Variants in ZMIZ1 observed in about 807,000 individuals in gnomAD.
ZMIZ1 encodes the protein zinc finger MIZ-type containing 1, also known as zinc finger MIZ domain-containing protein 1.
Under a neutral mutation model 113.9 loss-of-function variants are expected in ZMIZ1, and 17 were observed. That is an observed-to-expected ratio of 0.15 (90% CI 0.10 to 0.22). ZMIZ1 has a LOEUF of 0.22. Ranked by LOEUF, ZMIZ1 falls within the 10% of genes least tolerant of loss-of-function variation. ZMIZ1 has a pLI of 1.00. For synonymous variants in ZMIZ1, 607 were observed against 603.1 expected (o/e 1.01, Z -0.09); for missense variants, 1,059 against 1,477.8 (o/e 0.72, Z 4.65).
In ZMIZ1 at chr10:79,293,574, G is replaced by A. The variant is rs143127715; in HGVS notation, c.1151G>A (p.Arg384Gln). ...GISPFGTHGQRMPQQTYPGPR... is the reference protein window; with the variant it reads ...GISPFGTHGQQMPQQTYPGPR... ...AGCCCCTTTGGCACACACGGGCAGCGGATGCCCCAGCAGACCTACCCGGGC... is the reference window on the plus strand; with the variant it reads ...AGCCCCTTTGGCACACACGGGCAGCAGATGCCCCAGCAGACCTACCCGGGC... Residue 384 changes from arginine to glutamine, a missense_variant, in exon 12 of 25, where the codon CGG (arginine) becomes CAG (glutamine). Arg to Gln is a conservative substitution (Grantham distance 43). This residue lies in a region of ZMIZ1 where 239 missense variants were observed against 247.5 expected (regional missense o/e 0.97). Coordinates refer to ENST00000334512, the MANE Select transcript of ZMIZ1 (RefSeq NM_020338.4). 12 of 1,613,022 alleles carry A rather than the reference G, an allele frequency of 7.4e-6. No homozygotes were observed. The highest frequency in any genetic ancestry group is 2.7e-5 in the African/African-American group (2 of 75,050).
At chr10:79,116,760 T>C (rs1444121374) in intron 1 of ZMIZ1, among the ~76,000 whole-genome samples, 1 of 152,226 alleles carries the variant, frequency 6.6e-6, no homozygotes, top group Non-Finnish European at 1.5e-5. Flanking sequence ...CACATGCTTC[T>C]GTAGCTGCCA....
intron 7 of ZMIZ1, among the ~76,000 whole-genome samples, chr10:79,271,939 C>G (rs753989689): frequency 6.6e-6 from 1 of 152,204 alleles, no homozygotes; most frequent in Non-Finnish European, 1.5e-5. Context: ...ACATGCCAGA[C>G]ACTTTTAAAC....
chr10:79,184,642 AG>A (rs1191948967), intron 4 of ZMIZ1, among the ~76,000 whole-genome samples: 1 of 152,042 alleles, frequency 6.6e-6, no homozygotes, highest in Non-Finnish European at 1.5e-5. Flanking sequence ...GTGTCTTTCC[AG>A]GCCAGACCTT....
intron 7 of ZMIZ1, among the ~76,000 whole-genome samples, chr10:79,261,527 G>A (rs1421195111): frequency 6.6e-6 from 1 of 152,210 alleles, no homozygotes; most frequent in African/African-American, 2.4e-5. Flanking sequence ...GATGGCCCAG[G>A]CTGCTGTCTG....
chr10:79,106,119 G>A (rs1326721318), intron 1 of ZMIZ1, among the ~76,000 whole-genome samples: 1 of 152,238 alleles, frequency 6.6e-6, no homozygotes, highest in East Asian at 1.9e-4. Context: ...CTGGGATTCT[G>A]TAGCAAAACC....
chr10:79,116,212 C>G (rs1230785852), intron 1 of ZMIZ1, among the ~76,000 whole-genome samples: 1 of 152,080 alleles, frequency 6.6e-6, no homozygotes, highest in Admixed American at 6.5e-5. Flanking sequence ...GGCAGCTGAC[C>G]TATCTTGAGA....
At chr10:79,123,135 G>T (rs1844369875) in intron 2 of ZMIZ1, among the ~76,000 whole-genome samples, 1 of 152,220 alleles carries the variant, frequency 6.6e-6, no homozygotes, top group South Asian at 2.1e-4. Flanking sequence ...GCAGGCAAAG[G>T]CTGGCCACAG....
chr10:79,183,891 C>CTG (rs576973698), intron 4 of ZMIZ1, among the ~76,000 whole-genome samples: 1 of 152,212 alleles, frequency 6.6e-6, no homozygotes, highest in Non-Finnish European at 1.5e-5. Flanking sequence ...GGAATCCCAG[C>CTG]TGTGCCCCTT....
At chr10:79,247,382 T>TG (rs1850272394) in intron 7 of ZMIZ1, among the ~76,000 whole-genome samples, 1 of 152,204 alleles carries the variant, frequency 6.6e-6, no homozygotes. Flanking sequence ...TGATGGGCTG[T>TG]GTGCCTTTCC....
intron 1 of ZMIZ1, among the ~76,000 whole-genome samples, chr10:79,083,451 A>T (rs1842722247): frequency 6.6e-6 from 1 of 152,186 alleles, no homozygotes; most frequent in Non-Finnish European, 1.5e-5. Context: ...CAACAGAGTG[A>T]TCAGGGACCA....
rs1853906452 is a variant in ZMIZ1 at position 79,296,568 on chromosome 10, C to G, written c.1328C>G (p.Pro443Arg). 6.2e-7 allele frequency: 1 copy of G among 1,613,460 alleles called. No homozygotes were observed. Among genetic ancestry groups the G allele is most frequent in the Non-Finnish European group, 8.5e-7 (1 of 1,179,626 alleles). ...AACCCCCCGAGGCCACTCACCTCCC[C>G]CAACTACCCAGGACAGAGGATGCCC... Reference protein sequence around the residue: ...APNPPRPLTSPNYPGQRMPSQ... With the variant: ...APNPPRPLTSRNYPGQRMPSQ... Residue 443 changes from proline (P) to arginine (R), a missense_variant, in exon 13 of 25, where the codon CCC (proline) becomes CGC (arginine). Coordinates refer to ENST00000334512, the MANE Select transcript of ZMIZ1 (RefSeq NM_020338.4). This position sits in a 1 kb window ranked among gnomAD's most constrained non-coding sequence, Gnocchi z 4.1.
rs1489985995 is a variant in ZMIZ1 at position 79,296,524 on chromosome 10, A to G, written c.1284A>G (p.Pro428=). The G allele has an allele frequency of 6.2e-7, 1 of 1,610,370 alleles. No homozygotes were observed. The highest frequency in any genetic ancestry group is 8.5e-7 in the Non-Finnish European group (1 of 1,178,088). Reference sequence around the variant, plus strand: ...CAAACAGCCAGTTCCCCACCCAGCCAGGCCAGTACCCAGCCCCCAACCCCC... The same window carrying G: ...CAAACAGCCAGTTCCCCACCCAGCCGGGCCAGTACCCAGCCCCCAACCCCC... The part of the protein sequence containing the change: ...YGPNSQFPTQ[P]GQYPAPNPPR... The change falls in exon 13 of 25, where the codon CCA becomes CCG. Residue 428 remains proline, a synonymous_variant. Transcript: ENST00000334512. The surrounding 1 kb of genome is among the most constrained non-coding windows in gnomAD (Gnocchi z 4.1).
Position 79,311,198 on chromosome 10 carries a change from G to C in ZMIZ1, c.3096+14G>C. The stretch of plus-strand genomic sequence containing the variant: ...CCTTCGCTGGATGTAAGTTGGGGTC[G>C]CCACTCGCCTTGGCCTGGGGCTAGG... On this transcript the variant is annotated intron_variant, in intron 24 of 24. Coordinates refer to ENST00000334512, the MANE Select transcript of ZMIZ1 (RefSeq NM_020338.4). The C allele has an allele frequency of 6.5e-7, 1 of 1,529,062 alleles. No individual in the cohort carries two copies. The highest frequency in any genetic ancestry group is 8.9e-7 in the Non-Finnish European group (1 of 1,128,916). The allele number at this position is 1,529,062 out of a possible 1,614,324, so 94.7% of individuals were successfully genotyped here. A position where few individuals can be genotyped will look rare whatever the true frequency, so the allele number is the denominator to read the frequency against.
chr10:79,134,182 C>G (rs1057163985), intron 2 of ZMIZ1, among the ~76,000 whole-genome samples: 11 of 152,164 alleles, frequency 7.2e-5, no homozygotes, highest in African/African-American at 2.2e-4. Flanking sequence ...ACCAGGAGCA[C>G]CAGATGCCAC....
chr10:79,156,197 GC>G (rs2132470464), intron 3 of ZMIZ1, among the ~76,000 whole-genome samples: 1 of 152,258 alleles, frequency 6.6e-6, no homozygotes, highest in African/African-American at 2.4e-5. Flanking sequence ...TCACTTTATA[GC>G]CCCATTTTTG....
At chr10:79,305,640 G>C (rs769487675) in intron 21 of ZMIZ1, 39 bp downstream of exon 21, 10 of 1,600,260 alleles carry the variant, frequency 6.2e-6, no homozygotes, top group South Asian at 2.2e-5. Context: ...GGTGGGAGGG[G>C]ACGAGGCCTG....
chr10:79,201,225 T>A (rs534735587), intron 4 of ZMIZ1, among the ~76,000 whole-genome samples: 138 of 152,276 alleles, frequency 9.1e-4, no homozygotes, highest in African/African-American at 3.2e-3. Context: ...GGAGAATCGC[T>A]TGAACCTGGG....
At chr10:79,116,324 T>A (rs1844028065) in intron 1 of ZMIZ1, among the ~76,000 whole-genome samples, 1 of 152,006 alleles carries the variant, frequency 6.6e-6, no homozygotes, top group Admixed American at 6.6e-5. Context: ...CACCCAACCC[T>A]GATAGAGCTT....
chr10:79,129,698 T>C (rs1844668183), intron 2 of ZMIZ1, among the ~76,000 whole-genome samples: 1 of 152,194 alleles, frequency 6.6e-6, no homozygotes. Flanking sequence ...CTGAGGGCTT[T>C]AGTGGCTTTG....
Sources: gnomAD v4.1 joint callset for allele counts (sites outside exome capture counted in the v4.1 genomes callset) on GRCh38, gnomAD v4.1.1 for gene constraint, gnomAD v4.1.1 regional missense constraint, Gnocchi (gnomAD v3.1) non-coding constraint, MANE v1.5 for transcripts, NCBI Gene and HGNC (gene_info 2026-07-23, HGNC 2026-07-21) for gene names.